The following PAPPA2 variants were observed in gnomAD, a reference collection of about 807,000 sequenced individuals.
PAPPA2 encodes pappalysin-2.
A neutral mutation model predicts 176.4 loss-of-function variants in PAPPA2; 86 were observed. That is an observed-to-expected ratio of 0.49 (90% CI 0.41 to 0.58). The LOEUF (loss-of-function observed/expected upper bound fraction) is 0.58, where lower values mean the gene tolerates loss of function less well. Ranked by LOEUF, PAPPA2 falls within the 20% of genes least tolerant of loss-of-function variation. The pLI, the probability that PAPPA2 is intolerant of heterozygous loss-of-function variation, is 0.00. For missense variants in PAPPA2, 2,073 were observed against 2,256.9 expected (o/e 0.92, Z 1.65); for synonymous variants, 809 against 852.2 (o/e 0.95, Z 0.88).
intron 1 of PAPPA2, among the ~76,000 whole-genome samples, chr1:176,527,880 C>T (rs559996917): frequency 1.8e-4 from 28 of 152,266 alleles, no homozygotes; most frequent in African/African-American, 4.8e-4. Flanking sequence ...GACCTCTGTG[C>T]GGGAACAGAG....
rs529461965 is a variant in PAPPA2 at position 176,467,024 on chromosome 1, C to T, written c.-917+3606C>T. The stretch of plus-strand genomic sequence containing the variant: ...TGGAAATATGTTCTGAGAAATGCAT[C>T]GTTAGGTGATTTCATGGTCATGTGA... On this transcript the variant is annotated intron_variant, in intron 1 of 22. Coordinates refer to ENST00000367662, the MANE Select transcript of PAPPA2 (RefSeq NM_020318.3). 5.9e-5 allele frequency among the ~76,000 whole-genome samples: 9 copies of T among 152,230 alleles called. No homozygotes were observed. The East Asian group carries it at 1.7e-3, about 29-fold the overall frequency.
chr1:176,694,021 A>G (rs1029014163), intron 6 of PAPPA2, among the ~76,000 whole-genome samples: 5 of 152,152 alleles, frequency 3.3e-5, no homozygotes, highest in African/African-American at 1.2e-4. Context: ...TCCTTTTCTC[A>G]GCTAGGTGGA....
rs1659764779 is a variant in PAPPA2, at chr1:176,684,998, T to C, written c.2138-5139T>C. 2.0e-5 allele frequency among the ~76,000 whole-genome samples: 3 copies of C among 152,108 alleles called. No homozygotes were observed. In the South Asian group the frequency reaches 6.2e-4, roughly 32 times the overall value. On this transcript the variant is annotated intron_variant, in intron 4 of 22. Coordinates refer to ENST00000367662, the MANE Select transcript of PAPPA2 (RefSeq NM_020318.3). ...CGACTTAGAGGAAAATCAGAGCTCC[T>C]TGATGAGGTTGTTCTCCTACTGTGC...
intron 1 of PAPPA2, among the ~76,000 whole-genome samples, chr1:176,512,020 C>A (rs1168607163): frequency 1.3e-5 from 2 of 151,860 alleles, no homozygotes; most frequent in Non-Finnish European, 1.5e-5. Flanking sequence ...GTACTTGCAA[C>A]TAGAATATAT....
chr1:176,675,003 T>C (rs1345063621), intron 4 of PAPPA2, among the ~76,000 whole-genome samples: 1 of 152,106 alleles, frequency 6.6e-6, no homozygotes, highest in Admixed American at 6.6e-5. Flanking sequence ...TATCTCATTG[T>C]GGTTTTGATA....
chr1:176,485,086 A>G (rs189658261), intron 1 of PAPPA2, among the ~76,000 whole-genome samples: 107 of 152,366 alleles, frequency 7.0e-4, no homozygotes, highest in Middle Eastern at 3.4e-3. Context: ...GTACAGAGTG[A>G]CAACTTCCAA....
At chr1:176,704,473 A>G (rs1312323066) in intron 9 of PAPPA2, among the ~76,000 whole-genome samples, 1 of 152,196 alleles carries the variant, frequency 6.6e-6, no homozygotes, top group Non-Finnish European at 1.5e-5. Context: ...AACAGTATTC[A>G]TATAGAAGTT....
At chr1:176,499,215 A>G (rs1420529563) in intron 1 of PAPPA2, among the ~76,000 whole-genome samples, 1 of 152,200 alleles carries the variant, frequency 6.6e-6, no homozygotes, top group Non-Finnish European at 1.5e-5. Flanking sequence ...ATTTTGGGAA[A>G]CAATTATTTA....
At chr1:176,535,505 T>G (rs1290354285) in intron 1 of PAPPA2, among the ~76,000 whole-genome samples, 1 of 151,942 alleles carries the variant, frequency 6.6e-6, no homozygotes, top group Non-Finnish European at 1.5e-5. Flanking sequence ...GGAAAAGGAG[T>G]GTGGTATCCT....
At chr1:176,789,783 G>A in intron 17 of PAPPA2, 26 bp from the exon 18 acceptor site, 3 of 1,594,192 alleles carry the variant, frequency 1.9e-6, no homozygotes, top group East Asian at 2.3e-5. Context: ...ATTCTGATGA[G>A]CTATTTTTGT....
intron 17 of PAPPA2, among the ~76,000 whole-genome samples, chr1:176,778,579 A>G (rs992325810): frequency 7.2e-5 from 11 of 152,208 alleles, no homozygotes; most frequent in African/African-American, 2.7e-4. Context: ...CTCATTAAGT[A>G]TCCTGGATTC....
At chr1:176,588,720 G>A (rs1027867127) in intron 2 of PAPPA2, among the ~76,000 whole-genome samples, 10 of 152,196 alleles carry the variant, frequency 6.6e-5, no homozygotes. Flanking sequence ...TGCACATAAT[G>A]TCCATGGTAA....
At position 176,608,179 on chromosome 1, in the gene PAPPA2, A is replaced by T. The variant is rs1654718139; in HGVS notation, c.1991+12584A>T. On this transcript the variant is annotated intron_variant, in intron 3 of 22. Transcript: ENST00000367662. ...TCTACAGTTTATTTCAAAAGAAAAA[A>T]TTTAATTAAAAACATTAGGCATTTA... Among the ~76,000 whole-genome samples, 9 of 152,238 alleles carry T rather than the reference A, an allele frequency of 5.9e-5. No individual in the cohort carries two copies. In the South Asian group the frequency reaches 1.9e-3, roughly 32 times the overall value.
chr1:176,791,712 C>G (rs776478126), intron 19 of PAPPA2, among the ~76,000 whole-genome samples: 1 of 152,246 alleles, frequency 6.6e-6, no homozygotes, highest in African/African-American at 2.4e-5. Flanking sequence ...TGCCACCACA[C>G]CTGGCTAATT....
intron 12 of PAPPA2, among the ~76,000 whole-genome samples, chr1:176,736,318 A>G (rs1571248909): frequency 6.6e-6 from 1 of 151,792 alleles, no homozygotes; most frequent in African/African-American, 2.4e-5. Flanking sequence ...CTAATAAAGC[A>G]AAAATAGTCT....
At chr1:176,629,493 A>G (rs948625816) in intron 3 of PAPPA2, among the ~76,000 whole-genome samples, 1 of 152,082 alleles carries the variant, frequency 6.6e-6, no homozygotes, top group East Asian at 1.9e-4. Context: ...AGATATCAAT[A>G]TTGGGTTTAG....
At chr1:176,672,076 A>T (rs972178390) in intron 4 of PAPPA2, among the ~76,000 whole-genome samples, 2 of 151,392 alleles carry the variant, frequency 1.3e-5, no homozygotes, top group African/African-American at 4.9e-5. Flanking sequence ...ATAAAATAAA[A>T]AAATAAAAAA....
chr1:176,533,827 G>A (rs1440521898), intron 1 of PAPPA2, among the ~76,000 whole-genome samples: 1 of 152,164 alleles, frequency 6.6e-6, no homozygotes, highest in African/African-American at 2.4e-5. Flanking sequence ...GAACAGAAAG[G>A]GTGTAGGCCT....
intron 14 of PAPPA2, among the ~76,000 whole-genome samples, chr1:176,755,055 A>G (rs1190300917): frequency 6.6e-6 from 1 of 152,176 alleles, no homozygotes; most frequent in Non-Finnish European, 1.5e-5. Context: ...CAAATGAGCC[A>G]TCAGTGTTGC....
Sources: gnomAD v4.1 joint callset for allele counts (sites outside exome capture counted in the v4.1 genomes callset) on GRCh38, gnomAD v4.1.1 for gene constraint, MANE v1.5 for transcripts, NCBI Gene and HGNC (gene_info 2026-07-23, HGNC 2026-07-21) for gene names.